Variants in MED13L observed in about 807,000 individuals in gnomAD.
MED13L encodes mediator of RNA polymerase II transcription subunit 13-like.
A neutral mutation model predicts 220.9 loss-of-function variants in MED13L; 7 were observed. The ratio of observed to expected loss-of-function variants is 0.03; its 90% CI spans 0.02 to 0.06. MED13L has a LOEUF of 0.06. Among genes scored for constraint, MED13L ranks in the 10% least tolerant of loss-of-function variants. MED13L has a pLI of 1.00. For synonymous variants in MED13L, 1,011 were observed against 1,015.2 expected (o/e 1.00, Z 0.08); for missense variants, 1,965 against 2,760.5 (o/e 0.71, Z 6.46).
chr12:115,991,227 G>C lies in MED13L; in HGVS notation c.3727C>G (p.Leu1243Val), dbSNP rs1190115899. Residue 1243 changes from leucine to valine, a missense_variant, in exon 17 of 31, where the codon CTG (leucine) becomes GTG (valine). Leu to Val is a conservative substitution (Grantham distance 32). Coordinates refer to ENST00000281928, the MANE Select transcript of MED13L (RefSeq NM_015335.5). The surrounding 1 kb of genome is among the most constrained non-coding windows in gnomAD (Gnocchi z 7.7). ...HTQPFASLNF[L>V]DYISSNNRQT... is the part of the protein sequence containing the mutation. ...CGATTGTTAGAGGAAATGTAGTCCA[G>C]GAAATTCAGTGAAGCAAAAGGTTGT... 1 of 1,614,208 alleles carries C rather than the reference G, an allele frequency of 6.2e-7. No homozygotes were observed. The highest frequency in any genetic ancestry group is 1.7e-5 in the Admixed American group (1 of 60,030).
rs1347554199 is a variant in MED13L, at chr12:115,959,419, G to A, written c.*1847C>T. On this transcript the variant is annotated 3_prime_UTR_variant, in exon 31 of 31. Transcript: ENST00000281928. ...AAAATTCAAAGTTCTGATGAATTCC[G>A]GGAAAAAAGCAACCCCAAAGTGGTA... 4 of 151,530 alleles carry A rather than the reference G, an allele frequency of 2.6e-5. No individual in the cohort carries two copies. Among genetic ancestry groups the A allele is most frequent in the East Asian group, 1.9e-4 (1 of 5,144 alleles). The allele number at this position is 151,530 out of a possible 1,614,324, so 9.4% of individuals were successfully genotyped here.
intron 11 of MED13L, 80 bp from the exon 12 acceptor site, chr12:116,006,491 G>A: frequency 8.8e-7 from 1 of 1,130,386 alleles, no homozygotes; most frequent in South Asian, 1.2e-5. Context: ...CAAAGAATTA[G>A]AGGGTAGAAT....
At chr12:116,276,713 G>T (rs1475981578) in intron 1 of MED13L, 3 of 922,154 alleles carry the variant, frequency 3.3e-6, no homozygotes, top group Non-Finnish European at 1.4e-6. Flanking sequence ...ACATTTACGG[G>T]GGGAAAAAAA....
At chr12:116,045,169 G>C (rs1037977123) in intron 4 of MED13L, among the ~76,000 whole-genome samples, 17 of 152,180 alleles carry the variant, frequency 1.1e-4, no homozygotes, top group African/African-American at 4.1e-4. Flanking sequence ...AATATTACAT[G>C]TTCTTTCTGG....
chr12:115,998,519 C>CTTGGTTCCTTCATCTAA (rs1437813746), intron 14 of MED13L, among the ~76,000 whole-genome samples: 1 of 152,224 alleles, frequency 6.6e-6, no homozygotes, highest in Non-Finnish European at 1.5e-5. Context: ...CCCTTGGGGC[C>CTTGGTTCCTTCATCTAA]TTGGTTCCTT....
chr12:116,223,517 GA>G (rs1565936391), intron 2 of MED13L, among the ~76,000 whole-genome samples: 1 of 151,746 alleles, frequency 6.6e-6, no homozygotes, highest in Non-Finnish European at 1.5e-5. Flanking sequence ...AGAATCAGCC[GA>G]ACATGGCGAA....
chr12:116,224,107 C>T (rs867059390), intron 2 of MED13L, among the ~76,000 whole-genome samples: 2 of 152,264 alleles, frequency 1.3e-5, no homozygotes, highest in Middle Eastern at 3.4e-3. Flanking sequence ...AGGTCCTATC[C>T]CCATACAGTT....
At chr12:116,277,011 C>T (rs754055059) in intron 1 of MED13L, 49 bp downstream of exon 1, 9 of 933,618 alleles carry the variant, frequency 9.6e-6, no homozygotes, top group Non-Finnish European at 3.1e-6. Context: ...AGGTCGGGGA[C>T]CCCCCCCCTT....
intron 1 of MED13L, among the ~76,000 whole-genome samples, chr12:116,245,085 A>C (rs750618056): frequency 1.2e-4 from 18 of 152,356 alleles, no homozygotes; most frequent in Non-Finnish European, 2.4e-4. Flanking sequence ...CTCTGGAGAC[A>C]GTAAACAGAG....
chr12:115,984,065 A>ATTTGTC (rs1206631172), intron 20 of MED13L, 115 bp downstream of exon 20: 1 of 1,194,622 alleles, frequency 8.4e-7, no homozygotes, highest in Non-Finnish European at 1.2e-6. Context: ...ACCTTAACAA[A>ATTTGTC]TACAGCATTA....
chr12:116,101,515 C>T (rs756010504), intron 3 of MED13L, among the ~76,000 whole-genome samples: 18 of 152,182 alleles, frequency 1.2e-4, no homozygotes, highest in Admixed American at 2.0e-4. Flanking sequence ...TATGTATTCT[C>T]GCTAATGCAA....
chr12:116,007,016 G>C, intron 11 of MED13L: 1 of 289,768 alleles, frequency 3.5e-6, no homozygotes, highest in South Asian at 4.0e-5. Flanking sequence ...GCTCAGCACA[G>C]TAAGGATAAG....
chr12:115,960,900 A>G lies in MED13L; in HGVS notation c.*366T>C, dbSNP rs975979024. 2 of 346,174 alleles carry G rather than the reference A, an allele frequency of 5.8e-6. No individual in the cohort carries two copies. The highest frequency in any genetic ancestry group is 2.1e-5 in the African/African-American group (1 of 46,882). The allele number at this position is 346,174 out of a possible 1,614,324, so 21.4% of individuals were successfully genotyped here. A position where few individuals can be genotyped will look rare whatever the true frequency, so the allele number is the denominator to read the frequency against. On this transcript the variant is annotated 3_prime_UTR_variant, in exon 31 of 31. Coordinates refer to ENST00000281928, the MANE Select transcript of MED13L (RefSeq NM_015335.5). ...CATCCAAAGGGCTAGACTGCCCTCAATTGTATACAGAGGCTGAAAACACAG... is the reference window on the plus strand; with the variant it reads ...CATCCAAAGGGCTAGACTGCCCTCAGTTGTATACAGAGGCTGAAAACACAG...
chr12:116,210,107 A>G (rs1027568024), intron 2 of MED13L, among the ~76,000 whole-genome samples: 1 of 152,142 alleles, frequency 6.6e-6, no homozygotes, highest in African/African-American at 2.4e-5. Flanking sequence ...AAGAGATAAA[A>G]CATTGTGGGA....
Position 116,156,449 on chromosome 12 carries a change from A to G in MED13L, c.311-44937T>C, listed in dbSNP as rs77527860. ...CTTTTATAGTCCAAAATGAAGTTCA[A>G]TACATCTGATGGGGAGGCAGGGGTG... On this transcript the variant is annotated intron_variant, in intron 2 of 30. Coordinates refer to ENST00000281928, the MANE Select transcript of MED13L (RefSeq NM_015335.5). Among the ~76,000 whole-genome samples, 52 of 151,926 alleles carry G rather than the reference A, an allele frequency of 3.4e-4. No individual in the cohort carries two copies. In the East Asian group the frequency reaches 9.3e-3, roughly 27 times the overall value.
chr12:116,168,809 G>A (rs1879470414), intron 2 of MED13L, among the ~76,000 whole-genome samples: 1 of 152,134 alleles, frequency 6.6e-6, no homozygotes, highest in African/African-American at 2.4e-5. Flanking sequence ...AAAAATTATA[G>A]AGGACTCCAA....
chr12:116,269,425 C>G (rs971343719), intron 1 of MED13L, among the ~76,000 whole-genome samples: 1 of 147,164 alleles, frequency 6.8e-6, no homozygotes, highest in Non-Finnish European at 1.5e-5. Flanking sequence ...CCCCGCCCCC[C>G]CAATCTACTT....
chr12:116,134,916 C>T (rs1486073083), intron 2 of MED13L, among the ~76,000 whole-genome samples: 4 of 152,014 alleles, frequency 2.6e-5, no homozygotes, highest in Non-Finnish European at 5.9e-5. Context: ...ACACCTGTAA[C>T]CCCAGCACTT....
intron 2 of MED13L, among the ~76,000 whole-genome samples, chr12:116,142,782 C>T (rs1877190703): frequency 6.6e-6 from 1 of 152,126 alleles, no homozygotes; most frequent in African/African-American, 2.4e-5. Flanking sequence ...TAAAGTGACA[C>T]TTTTACATTA....
Sources: allele counts gnomAD v4.1 joint callset (sites outside exome capture counted in the v4.1 genomes callset), GRCh38; gene constraint gnomAD v4.1.1; non-coding constraint Gnocchi (gnomAD v3.1); transcripts MANE v1.5; gene names NCBI Gene and HGNC (gene_info 2026-07-23, HGNC 2026-07-21).